The following RALGAPB variants were observed in gnomAD, a reference collection of about 807,000 sequenced individuals.
RALGAPB encodes Ral GTPase activating protein non-catalytic subunit beta.
RALGAPB carries 25 observed loss-of-function variants against 161.1 expected under a neutral mutation model. The observed-to-expected ratio is 0.16, with a 90% CI of 0.11 to 0.22. The LOEUF (loss-of-function observed/expected upper bound fraction) is 0.22. Ranked by LOEUF, RALGAPB falls within the 10% of genes least tolerant of loss-of-function variation. RALGAPB has a pLI of 1.00. For synonymous variants in RALGAPB, 629 were observed against 626.1 expected, an observed-to-expected ratio of 1.00 and a Z score of -0.07; for missense variants, 1,391 against 1,815.2, an observed-to-expected ratio of 0.77 and a Z score of 4.25.
At chr20:38,535,437 T>C (rs1278021420) in intron 16 of RALGAPB, among the ~76,000 whole-genome samples, 1 of 152,240 alleles carries the variant, frequency 6.6e-6, no homozygotes, top group Non-Finnish European at 1.5e-5. Context: ...CGTTAAATTA[T>C]AGGAAACATT....
At chr20:38,486,728 A>AT (rs2085125711) in intron 1 of RALGAPB, among the ~76,000 whole-genome samples, 1 of 152,150 alleles carries the variant, frequency 6.6e-6, no homozygotes, top group African/African-American at 2.4e-5. Context: ...TCCAACTTTT[A>AT]TTTTTACTAG....
At chr20:38,545,178 C>G (rs1034827688) in intron 18 of RALGAPB, among the ~76,000 whole-genome samples, 5 of 152,118 alleles carry the variant, frequency 3.3e-5, no homozygotes, top group Non-Finnish European at 7.3e-5. Context: ...ACTCGCAAAG[C>G]ACATCATCAG....
intron 14 of RALGAPB, among the ~76,000 whole-genome samples, chr20:38,532,479 C>T (rs1399944557): frequency 3.3e-5 from 5 of 152,102 alleles, no homozygotes; most frequent in East Asian, 1.9e-4. Flanking sequence ...TGGGCCAGCC[C>T]TTTGTAAATA....
At chr20:38,518,827 A>G (rs1277112001) in intron 9 of RALGAPB, among the ~76,000 whole-genome samples, 1 of 152,190 alleles carries the variant, frequency 6.6e-6, no homozygotes, top group East Asian at 1.9e-4. Context: ...CCACTCTTCT[A>G]CTGGGGTTGG....
chr20:38,490,765 C>G (rs2085256637), intron 2 of RALGAPB, among the ~76,000 whole-genome samples: 1 of 152,144 alleles, frequency 6.6e-6, no homozygotes, highest in Non-Finnish European at 1.5e-5. Context: ...CCACCTTGGC[C>G]TCCCAAAGTG....
rs180956218 is a variant in RALGAPB, at chr20:38,509,379, C to T, written c.872+171C>T. Reference sequence around the variant, plus strand: ...TCTGTCCTGTGCCTCCTGCTCTCCCCGTCCCAGCAGGGTTAGGCTGTCCTC... The same window carrying T: ...TCTGTCCTGTGCCTCCTGCTCTCCCTGTCCCAGCAGGGTTAGGCTGTCCTC... On this transcript the variant is annotated intron_variant, in intron 6 of 29. Transcript: ENST00000262879. Among the ~76,000 whole-genome samples, 144 of 152,316 alleles carry T rather than the reference C, an allele frequency of 9.5e-4. 1 individual carries two copies. Among genetic ancestry groups the T allele is most frequent in the South Asian group, 2.7e-3 (13 of 4,818 alleles).
intron 4 of RALGAPB, 79 bp downstream of exon 4, chr20:38,497,595 C>T: frequency 1.4e-6 from 2 of 1,426,502 alleles, no homozygotes; most frequent in South Asian, 1.4e-5. Flanking sequence ...GCGGTAGACT[C>T]ATTGGGGATT....
chr20:38,525,187 A>G (rs1600944180), intron 11 of RALGAPB, among the ~76,000 whole-genome samples: 1 of 152,222 alleles, frequency 6.6e-6, no homozygotes, highest in East Asian at 1.9e-4. Context: ...AACAACTCCA[A>G]CACAGAGGTC....
At chr20:38,523,086 G>A (rs1276979126) in intron 10 of RALGAPB, among the ~76,000 whole-genome samples, 1 of 152,060 alleles carries the variant, frequency 6.6e-6, no homozygotes, top group Non-Finnish European at 1.5e-5. Context: ...CCCAGGAGGC[G>A]GAGGTTGCAG....
chr20:38,476,295 A>G (rs747011833), intron 1 of RALGAPB, among the ~76,000 whole-genome samples: 1 of 152,240 alleles, frequency 6.6e-6, no homozygotes, highest in African/African-American at 2.4e-5. Flanking sequence ...TGACATGTGC[A>G]AAGACTTTTT....
At chr20:38,490,771 A>G (rs553366544) in intron 2 of RALGAPB, among the ~76,000 whole-genome samples, 2 of 152,196 alleles carry the variant, frequency 1.3e-5, no homozygotes, top group South Asian at 4.1e-4. Flanking sequence ...TGGCCTCCCA[A>G]AGTGCTGGGA....
At chr20:38,551,000 A>G (rs1034900816) in intron 20 of RALGAPB, 71 bp from the exon 21 acceptor site, 10 of 1,512,518 alleles carry the variant, frequency 6.6e-6, no homozygotes, top group Admixed American at 1.9e-5. Context: ...CTAAGAGACC[A>G]GGGAAATACA....
intron 2 of RALGAPB, among the ~76,000 whole-genome samples, 184 bp downstream of exon 2, chr20:38,488,802 G>A (rs531120217): frequency 6.6e-6 from 1 of 152,140 alleles, no homozygotes; most frequent in Admixed American, 6.5e-5. Flanking sequence ...TTTGAGTTGA[G>A]GGCTGGGACT....
chr20:38,569,996 G>C lies in RALGAPB; in HGVS notation c.4063G>C (p.Glu1355Gln). 1 of 1,603,174 alleles carries C rather than the reference G, an allele frequency of 6.2e-7. No homozygotes were observed. The highest frequency in any genetic ancestry group is 1.1e-5 in the South Asian group (1 of 90,830). ...CTGGGTGGAACGCTATGATGATATA[G>C]GTACTGTATGAGGACTTTGTCCATA... ...VVWVERYDDI[E>Q]NFPLSELMTE... The change falls in exon 27 of 30, where the codon GAA becomes CAA. Residue 1355 changes from glutamate (E) to glutamine (Q), a missense_variant and splice_region_variant. By Grantham distance (29) the Glu-to-Gln change is conservative (BLOSUM62 2). This residue lies in a region of RALGAPB where 436 missense variants were observed against 527.0 expected (regional missense o/e 0.83). Coordinates refer to ENST00000262879, the MANE Select transcript of RALGAPB (RefSeq NM_020336.4).
In RALGAPB at chr20:38,565,655, G is replaced by C. The variant is rs187627689; in HGVS notation, c.3817+177G>C. On this transcript the variant is annotated intron_variant, in intron 25 of 29. Transcript: ENST00000262879. The stretch of plus-strand genomic sequence containing the variant: ...TCTCTTAACTTTTTTATGGAAAGTA[G>C]TTAAAGACAAGCAGACTGACCCTCT... Among the ~76,000 whole-genome samples the C allele has an allele frequency of 1.9e-4, 29 of 152,324 alleles. No homozygotes were observed. The East Asian group carries it at 4.8e-3, about 25-fold the overall frequency.
At chr20:38,491,921 T>C (rs1315482577) in intron 2 of RALGAPB, among the ~76,000 whole-genome samples, 1 of 152,242 alleles carries the variant, frequency 6.6e-6, no homozygotes, top group African/African-American at 2.4e-5. Flanking sequence ...GAGTGTTCAC[T>C]GATTGCTTAG....
At chr20:38,509,712 T>G (rs2085875487) in intron 6 of RALGAPB, among the ~76,000 whole-genome samples, 1 of 152,240 alleles carries the variant, frequency 6.6e-6, no homozygotes, top group Admixed American at 6.5e-5. Context: ...CAGTTCAGCT[T>G]CATCACTTTT....
intron 1 of RALGAPB, among the ~76,000 whole-genome samples, chr20:38,477,885 G>C (rs2084854076): frequency 6.6e-6 from 1 of 152,180 alleles, no homozygotes; most frequent in South Asian, 2.1e-4. Flanking sequence ...ACTTTGGGAG[G>C]CCGAGGTGGG....
chr20:38,567,463 C>T (rs1224202056), intron 26 of RALGAPB, among the ~76,000 whole-genome samples: 1 of 152,138 alleles, frequency 6.6e-6, no homozygotes, highest in East Asian at 1.9e-4. Flanking sequence ...ATTCTGGTCC[C>T]GTACTTGATT....
Sources: gnomAD v4.1 joint callset for allele counts (sites outside exome capture counted in the v4.1 genomes callset) on GRCh38, gnomAD v4.1.1 for gene constraint, gnomAD v4.1.1 regional missense constraint, MANE v1.5 for transcripts, NCBI Gene and HGNC (gene_info 2026-07-23, HGNC 2026-07-21) for gene names.